Variants in GALNT2 observed in about 807,000 individuals in gnomAD.
GALNT2 encodes polypeptide N-acetylgalactosaminyltransferase 2.
Under a neutral mutation model 81.4 loss-of-function variants are expected in GALNT2, and 31 were observed. The observed-to-expected ratio is 0.38, with a 90% CI of 0.29 to 0.51. The LOEUF (loss-of-function observed/expected upper bound fraction) is 0.51, where lower values mean the gene tolerates loss of function less well. GALNT2 is among the 20% of genes least tolerant of loss of function. The pLI, the probability that GALNT2 is intolerant of heterozygous loss-of-function variation, is 0.87. For synonymous variants in GALNT2, 303 were observed against 287.4 expected (o/e 1.05, Z -0.55); for missense variants, 629 against 765.7 (o/e 0.82, Z 2.11).
chr1:230,164,106 A>G (rs972058501), intron 1 of GALNT2, among the ~76,000 whole-genome samples: 1 of 152,212 alleles, frequency 6.6e-6, no homozygotes, highest in Non-Finnish European at 1.5e-5. Context: ...TGAAGAACAC[A>G]TACGTAACTG....
intron 1 of GALNT2, among the ~76,000 whole-genome samples, chr1:230,072,314 C>A (rs972557554): frequency 3.5e-5 from 5 of 141,598 alleles, no homozygotes; most frequent in African/African-American, 1.4e-4. Context: ...TGCCTAACTT[C>A]TAGCAAGTCC....
At chr1:230,205,368 G>A (rs1471565204) in intron 3 of GALNT2, among the ~76,000 whole-genome samples, 1 of 152,082 alleles carries the variant, frequency 6.6e-6, no homozygotes, top group African/African-American at 2.4e-5. Flanking sequence ...AAAAGTGTGT[G>A]TGTGTGTTTG....
At chr1:230,131,967 A>G (rs1050405051) in intron 1 of GALNT2, among the ~76,000 whole-genome samples, 1 of 152,174 alleles carries the variant, frequency 6.6e-6, no homozygotes, top group Non-Finnish European at 1.5e-5. Context: ...TCAATTAAGC[A>G]GCTGACCAAT....
chr1:230,242,672 G>A lies in GALNT2; in HGVS notation c.608-634G>A, dbSNP rs143532646. Among the ~76,000 whole-genome samples, 364 of 152,148 alleles carry A rather than the reference G, an allele frequency of 2.4e-3. 2 individuals carry two copies. Among genetic ancestry groups the A allele is most frequent in the Middle Eastern group, 0.024 (7 of 294 alleles). On this transcript the variant is annotated intron_variant, in intron 6 of 15. Transcript: ENST00000366672. ...CGAGCAGCTAGAACCACAGGCGCAC[G>A]CACAGGCCACCACCCACGGCTGATT...
intron 6 of GALNT2, among the ~76,000 whole-genome samples, chr1:230,240,781 TG>T (rs2102739599): frequency 6.6e-6 from 1 of 152,358 alleles, no homozygotes; most frequent in South Asian, 2.1e-4. Flanking sequence ...CCACCAAGTT[TG>T]GGAAATGACT....
chr1:230,277,956 T>C (rs1297906201), intron 15 of GALNT2, among the ~76,000 whole-genome samples: 1 of 152,094 alleles, frequency 6.6e-6, no homozygotes, highest in Non-Finnish European at 1.5e-5. Flanking sequence ...AAAAAATACT[T>C]AGGTGAAGGA....
intron 3 of GALNT2, among the ~76,000 whole-genome samples, chr1:230,231,089 C>A (rs1353268886): frequency 6.6e-6 from 1 of 152,228 alleles, no homozygotes; most frequent in Non-Finnish European, 1.5e-5. Flanking sequence ...GCCGCTGCTG[C>A]ATGTGGACTT....
At chr1:230,212,664 C>T (rs932755138) in intron 3 of GALNT2, among the ~76,000 whole-genome samples, 6 of 152,008 alleles carry the variant, frequency 3.9e-5, no homozygotes, top group Non-Finnish European at 7.4e-5. Flanking sequence ...CCTTGCTTAA[C>T]GGGTCCCCCA....
intron 4 of GALNT2, 54 bp from the exon 5 acceptor site, chr1:230,236,299 A>G: frequency 6.4e-7 from 1 of 1,560,372 alleles, no homozygotes; most frequent in Non-Finnish European, 8.8e-7. Flanking sequence ...ACCCCAGGCT[A>G]AAAGTTTATA....
At chr1:230,086,711 C>A (rs1328098047) in intron 1 of GALNT2, among the ~76,000 whole-genome samples, 1 of 152,128 alleles carries the variant, frequency 6.6e-6, no homozygotes, top group African/African-American at 2.4e-5. Context: ...TGGGTTGGAT[C>A]TCTTAGAGCA....
At chr1:230,125,093 T>C (rs1307118162) in intron 1 of GALNT2, among the ~76,000 whole-genome samples, 1 of 152,246 alleles carries the variant, frequency 6.6e-6, no homozygotes, top group Non-Finnish European at 1.5e-5. Flanking sequence ...CGCTAAGCGG[T>C]TGTTCTCTAT....
chr1:230,263,063 A>G, intron 13 of GALNT2, 58 bp downstream of exon 13: 3 of 1,422,072 alleles, frequency 2.1e-6, no homozygotes, highest in East Asian at 2.3e-5. Context: ...CAGTAAGGCC[A>G]TAGAAGCAGC....
intron 1 of GALNT2, among the ~76,000 whole-genome samples, chr1:230,116,471 A>G (rs4846898): frequency 0.42 from 63,955 of 151,998 alleles, 13,451 homozygotes; most frequent in South Asian, 0.53. Context: ...CTCGTGATCT[A>G]CCTGCCTCGG....
chr1:230,184,250 G>A (rs1399291544), intron 2 of GALNT2, among the ~76,000 whole-genome samples: 1 of 150,028 alleles, frequency 6.7e-6, no homozygotes, highest in Non-Finnish European at 1.5e-5. Context: ...GTGCAGTGGT[G>A]CTATCTCAGC....
chr1:230,175,593 C>CCCTCCT (rs1325312147), intron 1 of GALNT2, among the ~76,000 whole-genome samples: 5 of 80,576 alleles, frequency 6.2e-5, no homozygotes, highest in Admixed American at 3.5e-4. Context: ...CCTCCTCGTC[C>CCCTCCT]CCTCCTCGTC....
At chr1:230,232,203 C>T (rs191966162) in intron 3 of GALNT2, among the ~76,000 whole-genome samples, 1 of 152,260 alleles carries the variant, frequency 6.6e-6, no homozygotes, top group Non-Finnish European at 1.5e-5. Context: ...TACACACACT[C>T]ACTCTAACTC....
intron 1 of GALNT2, among the ~76,000 whole-genome samples, chr1:230,137,893 C>T (rs376137853): frequency 1.3e-5 from 2 of 152,176 alleles, no homozygotes; most frequent in East Asian, 1.9e-4. Context: ...TAGAGATTTC[C>T]TTCAAGTCTT....
At chr1:230,190,557 A>G (rs748684253) in intron 2 of GALNT2, among the ~76,000 whole-genome samples, 1 of 152,050 alleles carries the variant, frequency 6.6e-6, no homozygotes, top group African/African-American at 2.4e-5. Context: ...GATTTGGGGG[A>G]TTTGCTGAGA....
At chr1:230,178,935 C>G (rs1216669284) in intron 2 of GALNT2, among the ~76,000 whole-genome samples, 1 of 151,792 alleles carries the variant, frequency 6.6e-6, no homozygotes, top group Non-Finnish European at 1.5e-5. Context: ...ATCCTTTGCT[C>G]CCCCCAGCCC....
Sources: allele counts gnomAD v4.1 joint callset (sites outside exome capture counted in the v4.1 genomes callset), GRCh38; gene constraint gnomAD v4.1.1; transcripts MANE v1.5; gene names NCBI Gene and HGNC (gene_info 2026-07-23, HGNC 2026-07-21).